EPHA6: variants seen among roughly 807,000 people sequenced by gnomAD.
The protein encoded by EPHA6 is EPH receptor A6.
EPHA6 carries 50 observed loss-of-function variants against 112.0 expected under a neutral mutation model. The observed-to-expected ratio is 0.45, with a 90% confidence interval of 0.36 to 0.56. The LOEUF (loss-of-function observed/expected upper bound fraction) is 0.56, where lower values mean the gene tolerates loss of function less well. Ranked by LOEUF, EPHA6 falls within the 20% of genes least tolerant of loss-of-function variation. The pLI, the probability that EPHA6 is intolerant of heterozygous loss-of-function variation, is 0.00. For synonymous variants in EPHA6, 529 were observed against 490.7 expected (o/e 1.08, Z -1.03); for missense variants, 1,280 against 1,417.4 (o/e 0.90, Z 1.56).
At chr3:97,413,601 G>C (rs1431731500) in intron 6 of EPHA6, among the ~76,000 whole-genome samples, 1 of 151,988 alleles carries the variant, frequency 6.6e-6, no homozygotes, top group Non-Finnish European at 1.5e-5. Flanking sequence ...TGGAAATGAG[G>C]CTATGATACA....
intron 6 of EPHA6, among the ~76,000 whole-genome samples, chr3:97,443,723 G>T (rs1316386501): frequency 6.6e-6 from 1 of 152,074 alleles, no homozygotes; most frequent in African/African-American, 2.4e-5. Flanking sequence ...TAAACATTTG[G>T]TGTTGAGAAT....
chr3:97,468,148 A>G (rs933925750), intron 7 of EPHA6, among the ~76,000 whole-genome samples: 4 of 151,462 alleles, frequency 2.6e-5, no homozygotes, highest in Non-Finnish European at 5.9e-5. Context: ...CTGAAAAAAA[A>G]AAAAAAAGTA....
intron 12 of EPHA6, among the ~76,000 whole-genome samples, chr3:97,603,238 T>C (rs2093656496): frequency 6.6e-6 from 1 of 152,006 alleles, no homozygotes; most frequent in South Asian, 2.1e-4. Flanking sequence ...TGATAATTTC[T>C]AGCAGGAAGG....
chr3:97,412,329 C>T (rs1011741837), intron 6 of EPHA6, among the ~76,000 whole-genome samples: 7 of 152,018 alleles, frequency 4.6e-5, no homozygotes, highest in Non-Finnish European at 7.4e-5. Flanking sequence ...TGCTATATTT[C>T]AGTCAGGCCC....
intron 14 of EPHA6, among the ~76,000 whole-genome samples, chr3:97,711,868 A>T (rs1322766105): frequency 6.6e-6 from 1 of 152,306 alleles, no homozygotes; most frequent in East Asian, 1.9e-4. Flanking sequence ...CATAAAATTA[A>T]TCATCACAGA....
chr3:96,930,612 C>T (rs76655742), intron 2 of EPHA6, among the ~76,000 whole-genome samples: 1 of 152,064 alleles, frequency 6.6e-6, no homozygotes, highest in South Asian at 2.1e-4. Context: ...TCATTTCCAG[C>T]CTGAACATGC....
At chr3:97,423,851 A>G (rs1409394180) in intron 6 of EPHA6, among the ~76,000 whole-genome samples, 1 of 152,194 alleles carries the variant, frequency 6.6e-6, no homozygotes, top group East Asian at 1.9e-4. Flanking sequence ...AAAGCCTCAC[A>G]CCTATGGCCA....
At chr3:96,976,236 A>G (rs1371865526) in intron 2 of EPHA6, among the ~76,000 whole-genome samples, 4 of 152,110 alleles carry the variant, frequency 2.6e-5, no homozygotes, top group Non-Finnish European at 4.4e-5. Context: ...ATTAATTTCT[A>G]TTCACTTTCC....
rs1053862965 is a variant in EPHA6, at chr3:97,758,732, A to G, written c.*10031A>G. Among the ~76,000 whole-genome samples, 1 of 151,968 alleles carries G rather than the reference A, an allele frequency of 6.6e-6. No individual in the cohort carries two copies. Among genetic ancestry groups the G allele is most frequent in the South Asian group, 2.1e-4 (1 of 4,826 alleles). On this transcript the variant is annotated 3_prime_UTR_variant, in exon 18 of 18. Coordinates refer to ENST00000389672, the MANE Select transcript of EPHA6 (RefSeq NM_001080448.3). The stretch of plus-strand genomic sequence containing the variant: ...GACATGCCATTTAAACTGATATCTG[A>G]AAAGCATGAAGGAAGCATCCATGAG...
At chr3:97,332,602 T>C (rs2082854994) in intron 5 of EPHA6, among the ~76,000 whole-genome samples, 1 of 152,170 alleles carries the variant, frequency 6.6e-6, no homozygotes, top group Non-Finnish European at 1.5e-5. Flanking sequence ...AATTTAAGTA[T>C]ATTTACATGT....
intron 2 of EPHA6, among the ~76,000 whole-genome samples, chr3:96,922,396 C>T (rs973156187): frequency 6.6e-6 from 1 of 152,032 alleles, no homozygotes; most frequent in South Asian, 2.1e-4. Flanking sequence ...AAGGAAGAAA[C>T]GTTACCAAAT....
intron 7 of EPHA6, among the ~76,000 whole-genome samples, chr3:97,457,589 G>A (rs1473849099): frequency 1.3e-5 from 2 of 152,056 alleles, no homozygotes; most frequent in Non-Finnish European, 2.9e-5. Context: ...AATTTAATTT[G>A]CATGGTGCCA....
intron 11 of EPHA6, among the ~76,000 whole-genome samples, chr3:97,555,386 A>G (rs1336800886): frequency 6.6e-6 from 1 of 152,066 alleles, no homozygotes; most frequent in Non-Finnish European, 1.5e-5. Context: ...GCCGCAATAA[A>G]CATACGTGTG....
intron 3 of EPHA6, among the ~76,000 whole-genome samples, chr3:97,030,416 G>A (rs192573464): frequency 7.4e-4 from 112 of 152,176 alleles, no homozygotes; most frequent in African/African-American, 2.5e-3. Context: ...GTTCCAGGTA[G>A]CAATTCCTTT....
chr3:97,450,625 T>C (rs2090494291), intron 7 of EPHA6, among the ~76,000 whole-genome samples: 1 of 152,106 alleles, frequency 6.6e-6, no homozygotes, highest in Non-Finnish European at 1.5e-5. Context: ...CTCATTGTAC[T>C]TTCAAGACAA....
At chr3:97,039,122 A>G (rs1464035232) in intron 3 of EPHA6, among the ~76,000 whole-genome samples, 2 of 152,066 alleles carry the variant, frequency 1.3e-5, no homozygotes, top group Non-Finnish European at 2.9e-5. Context: ...ATTATCAACA[A>G]CATAGACAAA....
chr3:97,129,283 A>C (rs2048269614), intron 3 of EPHA6, among the ~76,000 whole-genome samples: 2 of 152,012 alleles, frequency 1.3e-5, no homozygotes, highest in Admixed American at 6.6e-5. Context: ...GCAGATCACG[A>C]GATCAGGAGA....
chr3:97,715,989 C>T (rs185819063), intron 14 of EPHA6, among the ~76,000 whole-genome samples: 4 of 152,260 alleles, frequency 2.6e-5, no homozygotes, highest in Middle Eastern at 3.4e-3. Context: ...AAATGAGAAG[C>T]CATTTGAGTT....
intron 5 of EPHA6, among the ~76,000 whole-genome samples, chr3:97,363,993 C>A (rs565457930): frequency 6.6e-6 from 1 of 150,868 alleles, no homozygotes; most frequent in Admixed American, 6.6e-5. Context: ...TGGTTTGCAA[C>A]GGCTGGGAGA....
Sources: allele counts gnomAD v4.1 joint callset (sites outside exome capture counted in the v4.1 genomes callset), GRCh38; gene constraint gnomAD v4.1.1; transcripts MANE v1.5; gene names NCBI Gene and HGNC (gene_info 2026-07-23, HGNC 2026-07-21).